Variants in UMAD1 observed in about 807,000 individuals in gnomAD.
The protein encoded by UMAD1 is UBAP1-MVB12-associated (UMA) domain containing 1, also known as UBAP1-MVB12-associated (UMA)-domain containing protein 1.
A neutral mutation model predicts 6.1 loss-of-function variants in UMAD1; 8 were observed. That is an observed-to-expected ratio of 1.30 (90% CI 0.76 to 2.35). The LOEUF (loss-of-function observed/expected upper bound fraction) is 2.35. Ranked by LOEUF, UMAD1 falls within the 30% of genes most tolerant of loss-of-function variation. The pLI is 0.00. For missense variants in UMAD1, 130 were observed against 78.4 expected, an observed-to-expected ratio of 1.66 and a Z score of -2.49; for synonymous variants, 56 against 31.4, an observed-to-expected ratio of 1.78 and a Z score of -2.61.
intron 1 of UMAD1, among the ~76,000 whole-genome samples, chr7:7,666,378 A>AT (rs1459059981): frequency 6.6e-6 from 1 of 151,642 alleles, no homozygotes; most frequent in Non-Finnish European, 1.5e-5. Context: ...TGATTTTTGT[A>AT]TTTTTTTGTA....
chr7:7,792,853 G>T (rs1782595521), intron 2 of UMAD1, among the ~76,000 whole-genome samples: 1 of 152,160 alleles, frequency 6.6e-6, no homozygotes, highest in African/African-American at 2.4e-5. Flanking sequence ...TTCGTAGAAG[G>T]CATCTTCTTG....
At chr7:7,734,184 T>C (rs2115195220) in intron 2 of UMAD1, among the ~76,000 whole-genome samples, 1 of 152,292 alleles carries the variant, frequency 6.6e-6, no homozygotes, top group South Asian at 2.1e-4. Flanking sequence ...CCTAGTTTTG[T>C]AATCGTAGGA....
At chr7:7,805,115 A>C (rs1782886276) in intron 3 of UMAD1, among the ~76,000 whole-genome samples, 1 of 152,194 alleles carries the variant, frequency 6.6e-6, no homozygotes, top group Admixed American at 6.5e-5. Flanking sequence ...TTCTGTGTAG[A>C]AGTTGATGAC....
chr7:7,705,282 GT>G (rs767308326), intron 2 of UMAD1, among the ~76,000 whole-genome samples: 13 of 152,144 alleles, frequency 8.5e-5, no homozygotes, highest in Non-Finnish European at 1.8e-4. Flanking sequence ...TTAAGATTCT[GT>G]TTTGGAAAAA....
At chr7:7,713,696 A>G (rs1343917841) in intron 2 of UMAD1, among the ~76,000 whole-genome samples, 1 of 152,066 alleles carries the variant, frequency 6.6e-6, no homozygotes, top group African/African-American at 2.4e-5. Flanking sequence ...ATCATTTTTA[A>G]GCTTTTAAAA....
rs1163603765 is a variant in UMAD1 at position 7,640,771 on chromosome 7, G to A, written c.-114G>A. The A allele has an allele frequency of 8.4e-6, 2 of 239,040 alleles. No homozygotes were observed. The highest frequency in any genetic ancestry group is 1.7e-5 in the Non-Finnish European group (2 of 119,716). 14.8% of individuals were successfully genotyped at this position (239,040 alleles called of 1,614,324 possible). On this transcript the variant is annotated 5_prime_UTR_variant, in exon 1 of 4. Transcript: ENST00000682710. ...GGCGGTGACTTGACCCCGGAAGTGG[G>A]GTGTGAAGCTCCGGTGCTGGTGCGG...
chr7:7,699,524 A>C (rs573098614), intron 2 of UMAD1, among the ~76,000 whole-genome samples: 29 of 152,302 alleles, frequency 1.9e-4, no homozygotes, highest in African/African-American at 5.5e-4. Flanking sequence ...GGAAAGTTTC[A>C]CTTTAGAAAC....
intron 3 of UMAD1, among the ~76,000 whole-genome samples, chr7:7,862,492 T>C (rs6463729): frequency 0.67 from 101,441 of 152,032 alleles, 34,863 homozygotes; most frequent in Middle Eastern, 0.75. Context: ...GCTATATAAA[T>C]GGGAAGTTAA....
At chr7:7,832,340 C>T (rs1021971459) in intron 3 of UMAD1, among the ~76,000 whole-genome samples, 3 of 151,826 alleles carry the variant, frequency 2.0e-5, no homozygotes, top group South Asian at 2.1e-4. Context: ...TTTTTTTTCC[C>T]TTGAAAATTC....
At position 7,671,823 on chromosome 7, in the gene UMAD1, A is replaced by G. The variant is rs551236036; in HGVS notation, c.-63-1486A>G. Among the ~76,000 whole-genome samples the G allele has an allele frequency of 2.0e-3, 309 of 152,116 alleles. 2 individuals carry two copies. Among genetic ancestry groups the G allele is most frequent in the Middle Eastern group, 6.8e-3 (2 of 294 alleles). Reference sequence around the variant, plus strand: ...GTTTTCAAACTTTTCTTTTGTATCTATTACTATATCCAGTAAGCACTTTCT... The same window carrying G: ...GTTTTCAAACTTTTCTTTTGTATCTGTTACTATATCCAGTAAGCACTTTCT... On this transcript the variant is annotated intron_variant, in intron 1 of 3. Transcript: ENST00000682710.
intron 3 of UMAD1, among the ~76,000 whole-genome samples, chr7:7,802,544 T>C (rs1312716200): frequency 6.6e-6 from 1 of 152,252 alleles, no homozygotes; most frequent in Non-Finnish European, 1.5e-5. Flanking sequence ...TAGGATACTT[T>C]TGAAAACTAT....
chr7:7,717,449 A>G (rs1780944977), intron 2 of UMAD1, among the ~76,000 whole-genome samples: 1 of 152,202 alleles, frequency 6.6e-6, no homozygotes, highest in African/African-American at 2.4e-5. Flanking sequence ...CGATAACCTC[A>G]GGTATTTACC....
In UMAD1 at chr7:7,801,726, G is replaced by GTTGGACT; in HGVS notation, c.139_140insTTGGACT (p.Ala47ValfsTer23). The GTTGGACT allele has an allele frequency of 1.4e-6, 1 of 718,038 alleles. No homozygotes were observed. The highest frequency in any genetic ancestry group is 2.6e-6 in the Non-Finnish European group (1 of 385,194). The allele number at this position is 718,038 out of a possible 1,614,324, so 44.5% of individuals were successfully genotyped here. A position where few individuals can be genotyped will look rare whatever the true frequency, so the allele number is the denominator to read the frequency against. On this transcript the variant is annotated frameshift_variant, in exon 3 of 4. Transcript: ENST00000682710. LOFTEE classifies it high-confidence loss of function. ...AAGAGGCAAAACTTCGGACATAGAG[G>GTTGGACT]CCAACCAACCTTTGGAGGTAAGTGA...
chr7:7,647,042 A>G (rs1785112883), intron 1 of UMAD1, among the ~76,000 whole-genome samples: 1 of 152,086 alleles, frequency 6.6e-6, no homozygotes, highest in Non-Finnish European at 1.5e-5. Flanking sequence ...ATTAGTGTGG[A>G]GTGTTTCTTT....
intron 1 of UMAD1, among the ~76,000 whole-genome samples, chr7:7,668,736 A>G (rs370504472): frequency 5.9e-5 from 9 of 152,238 alleles, no homozygotes; most frequent in African/African-American, 1.7e-4. Flanking sequence ...ATTGAAATGA[A>G]TGTTAGTGAT....
chr7:7,815,567 A>G (rs535088595), intron 3 of UMAD1, among the ~76,000 whole-genome samples: 5 of 152,208 alleles, frequency 3.3e-5, no homozygotes, highest in Admixed American at 2.0e-4. Flanking sequence ...CCAAAGTCCT[A>G]TAGTTCCTCA....
At chr7:7,799,252 TG>T (rs1408595998) in intron 2 of UMAD1, among the ~76,000 whole-genome samples, 1 of 152,296 alleles carries the variant, frequency 6.6e-6, no homozygotes, top group African/African-American at 2.4e-5. Context: ...TTCATTTTTA[TG>T]CCTTTGTTTA....
At chr7:7,815,535 C>G (rs1783109434) in intron 3 of UMAD1, among the ~76,000 whole-genome samples, 1 of 152,130 alleles carries the variant, frequency 6.6e-6, no homozygotes, top group Non-Finnish European at 1.5e-5. Flanking sequence ...AGTATTGATT[C>G]AGGAGCTCAG....
intron 3 of UMAD1, among the ~76,000 whole-genome samples, chr7:7,831,334 C>T (rs1783463058): frequency 6.6e-6 from 1 of 152,188 alleles, no homozygotes; most frequent in Non-Finnish European, 1.5e-5. Flanking sequence ...GGTGATGCAT[C>T]ATATCAATTC....
Sources: gnomAD v4.1 joint callset for allele counts (sites outside exome capture counted in the v4.1 genomes callset) on GRCh38, gnomAD v4.1.1 for gene constraint, MANE v1.5 for transcripts, NCBI Gene and HGNC (gene_info 2026-07-23, HGNC 2026-07-21) for gene names.